The following AGBL1 variants were observed in gnomAD, a reference collection of about 807,000 sequenced individuals.
AGBL1 encodes the protein cytosolic carboxypeptidase 4.
AGBL1 carries 130 observed loss-of-function variants against 118.9 expected under a neutral mutation model. That is an observed-to-expected ratio of 1.09 (90% confidence interval 0.95 to 1.26). The LOEUF (loss-of-function observed/expected upper bound fraction) is 1.26, where lower values mean the gene tolerates loss of function less well. Ranked by LOEUF, AGBL1 falls within the 50% of genes most tolerant of loss-of-function variation. The probability of loss-of-function intolerance (pLI) is 0.00; values close to 1 mark genes in which losing one functional copy is unlikely to be tolerated. For synonymous variants in AGBL1, 555 were observed against 478.9 expected, an observed-to-expected ratio of 1.16 and a Z score of -2.08; for missense variants, 1,584 against 1,298.1, an observed-to-expected ratio of 1.22 and a Z score of -3.38.
At chr15:86,298,123 C>T (rs1184537646) in intron 17 of AGBL1, among the ~76,000 whole-genome samples, 5 of 151,194 alleles carry the variant, frequency 3.3e-5, no homozygotes, top group East Asian at 1.9e-4. Flanking sequence ...TGCCTGAAGG[C>T]CTTTCTTCAT....
At chr15:86,878,220 G>A (rs1214817282) in intron 22 of AGBL1, among the ~76,000 whole-genome samples, 2 of 152,116 alleles carry the variant, frequency 1.3e-5, no homozygotes, top group East Asian at 3.9e-4. Flanking sequence ...TCCTGGGCTG[G>A]GCTTGACAAA....
intron 22 of AGBL1, among the ~76,000 whole-genome samples, chr15:86,758,766 G>A (rs545833416): frequency 4.5e-4 from 69 of 151,952 alleles, no homozygotes; most frequent in African/African-American, 1.6e-3. Flanking sequence ...GAGCACAGGA[G>A]TTTGAGACTA....
chr15:86,428,244 T>C (rs2081891268), intron 18 of AGBL1, among the ~76,000 whole-genome samples: 2 of 152,208 alleles, frequency 1.3e-5, no homozygotes, highest in South Asian at 4.1e-4. Flanking sequence ...CAGCTTTGGG[T>C]AGAAAGACTG....
intron 22 of AGBL1, among the ~76,000 whole-genome samples, chr15:86,789,121 A>G (rs1033563132): frequency 6.6e-6 from 1 of 152,202 alleles, no homozygotes; most frequent in East Asian, 1.9e-4. Context: ...GTGTCTAATT[A>G]CAGAGTCAGA....
intron 16 of AGBL1, 97 bp from the exon 17 acceptor site, chr15:86,295,158 C>G: frequency 7.1e-7 from 1 of 1,409,942 alleles, no homozygotes; most frequent in Non-Finnish European, 9.7e-7. Flanking sequence ...AGATTAACAA[C>G]AATACTTCTA....
At chr15:86,532,978 T>A (rs1378403624) in intron 19 of AGBL1, among the ~76,000 whole-genome samples, 53 of 102,614 alleles carry the variant, frequency 5.2e-4, no homozygotes, top group African/African-American at 2.4e-3. Flanking sequence ...GATTAAAGAT[T>A]TAAACGTTAG....
chr15:86,411,357 G>A (rs1023282200), intron 18 of AGBL1, among the ~76,000 whole-genome samples: 1 of 152,082 alleles, frequency 6.6e-6, no homozygotes, highest in Admixed American at 6.6e-5. Context: ...AGAAGGAATT[G>A]CACCTCGAAG....
intron 1 of AGBL1, among the ~76,000 whole-genome samples, chr15:86,095,524 T>G (rs573508106): frequency 3.9e-5 from 6 of 151,926 alleles, no homozygotes; most frequent in Non-Finnish European, 7.4e-5. Context: ...TAAGACCAAA[T>G]ATTATAACAA....
At chr15:86,303,471 G>A (rs1281675275) in intron 17 of AGBL1, among the ~76,000 whole-genome samples, 1 of 152,112 alleles carries the variant, frequency 6.6e-6, no homozygotes, top group Non-Finnish European at 1.5e-5. Context: ...TTGGTGGGTG[G>A]ATAGTTGAAT....
At chr15:86,150,680 C>G (rs2077095742) in intron 3 of AGBL1, among the ~76,000 whole-genome samples, 1 of 152,200 alleles carries the variant, frequency 6.6e-6, no homozygotes, top group Non-Finnish European at 1.5e-5. Flanking sequence ...CAGCCAAATT[C>G]TACCAGAGAT....
At chr15:86,266,648 A>G (rs1481142858) in intron 12 of AGBL1, among the ~76,000 whole-genome samples, 191 bp downstream of exon 12, 1 of 152,212 alleles carries the variant, frequency 6.6e-6, no homozygotes, top group Non-Finnish European at 1.5e-5. Flanking sequence ...CACGCCTGTA[A>G]TCCCAGCACT....
At chr15:86,560,841 G>A (rs938815771) in intron 21 of AGBL1, among the ~76,000 whole-genome samples, 28 of 152,222 alleles carry the variant, frequency 1.8e-4, no homozygotes, top group Non-Finnish European at 3.2e-4. Flanking sequence ...TCTAACTGGT[G>A]TGAGATGGTA....
chr15:86,893,482 A>T (rs2080080061), intron 22 of AGBL1, among the ~76,000 whole-genome samples: 1 of 152,212 alleles, frequency 6.6e-6, no homozygotes, highest in South Asian at 2.1e-4. Context: ...AAGAAAACAA[A>T]CAAAACAAAA....
intron 22 of AGBL1, among the ~76,000 whole-genome samples, chr15:86,855,195 A>T (rs1451565523): frequency 6.6e-6 from 1 of 152,256 alleles, no homozygotes; most frequent in African/African-American, 2.4e-5. Context: ...TCAGTGGAAG[A>T]TTCCACACTG....
intron 22 of AGBL1, among the ~76,000 whole-genome samples, chr15:86,863,678 A>G (rs2079589004): frequency 6.6e-6 from 1 of 152,210 alleles, no homozygotes; most frequent in Non-Finnish European, 1.5e-5. Context: ...CCCTGTGAGT[A>G]GCAAGCATTT....
chr15:86,302,797 A>T (rs8038114), intron 17 of AGBL1, among the ~76,000 whole-genome samples: 8,642 of 149,956 alleles, frequency 0.058, 335 homozygotes, highest in African/African-American at 0.083. Flanking sequence ...AAAAAAAAAA[A>T]AAGTAAATAG....
chr15:86,716,202 C>G (rs60279499), intron 22 of AGBL1, among the ~76,000 whole-genome samples: 1 of 152,210 alleles, frequency 6.6e-6, no homozygotes, highest in East Asian at 1.9e-4. Flanking sequence ...CATTCCCAGT[C>G]TAGGTCTTTC....
chr15:86,774,195 C>A (rs1217287742), intron 22 of AGBL1, among the ~76,000 whole-genome samples: 1 of 152,016 alleles, frequency 6.6e-6, no homozygotes, highest in African/African-American at 2.4e-5. Flanking sequence ...TGTATTGTGC[C>A]CCTGTTTTTC....
At chr15:86,497,252 CT>C (rs1213560219) in intron 18 of AGBL1, among the ~76,000 whole-genome samples, 1 of 151,956 alleles carries the variant, frequency 6.6e-6, no homozygotes, top group Non-Finnish European at 1.5e-5. Flanking sequence ...AAAGTACATC[CT>C]TTAGTAGTTC....
Sources: allele counts gnomAD v4.1 joint callset (sites outside exome capture counted in the v4.1 genomes callset), GRCh38; gene constraint gnomAD v4.1.1; transcripts MANE v1.5; gene names NCBI Gene and HGNC (gene_info 2026-07-23, HGNC 2026-07-21).